Variants in ADGRG7 observed in about 807,000 individuals in gnomAD.
ADGRG7 encodes the protein G-protein coupled receptor 128.
Under a neutral mutation model 88.6 loss-of-function variants are expected in ADGRG7, and 82 were observed. That is an observed-to-expected ratio of 0.93 (90% CI 0.77 to 1.11). The LOEUF (loss-of-function observed/expected upper bound fraction) is 1.11, where lower values mean the gene tolerates loss of function less well. ADGRG7 is among the 50% of genes most tolerant of loss of function. The probability of loss-of-function intolerance (pLI) is 0.00; values close to 1 mark genes in which losing one functional copy is unlikely to be tolerated. For synonymous variants in ADGRG7, 381 were observed against 345.2 expected (o/e 1.10, Z -1.15); for missense variants, 945 against 953.4 (o/e 0.99, Z 0.12).
chr3:100,682,849 C>A (rs947198477), intron 15 of ADGRG7, among the ~76,000 whole-genome samples: 1 of 152,320 alleles, frequency 6.6e-6, no homozygotes, highest in Non-Finnish European at 1.5e-5. Flanking sequence ...GGTGCAGTTG[C>A]AGTTGCCTTG....
intron 9 of ADGRG7, 116 bp downstream of exon 9, chr3:100,646,224 G>C: frequency 3.4e-6 from 1 of 294,412 alleles, no homozygotes; most frequent in Non-Finnish European, 6.7e-6. Context: ...GGGCGGGGGG[G>C]AGGGTTTTCC....
intron 1 of ADGRG7, 145 bp downstream of exon 1, chr3:100,610,116 A>C: frequency 1.6e-6 from 1 of 615,214 alleles, no homozygotes; most frequent in Non-Finnish European, 3.0e-6. Context: ...TAAAAGACCA[A>C]GTCAGTTAAG....
In ADGRG7 at chr3:100,643,504, TCTA is replaced by T; in HGVS notation, c.839-19_839-17del. On this transcript the variant is annotated intron_variant, in intron 7 of 15. Transcript: ENST00000273352. ...TCATGATAATGTAGACTTTTACAAT[TCTA>T]CTCTTTCCCTTCTCATAGGAGCTAG... 1 of 1,608,898 alleles carries T rather than the reference TCTA, an allele frequency of 6.2e-7. No homozygotes were observed. Among genetic ancestry groups the T allele is most frequent in the Non-Finnish European group, 8.5e-7 (1 of 1,177,076 alleles).
Position 100,646,076 on chromosome 3 carries a change from A to C in ADGRG7, c.1078A>C (p.Ser360Arg). The change falls in exon 9 of 16, where the codon AGT (serine) becomes CGT (arginine). Residue 360 changes from serine to arginine, a missense_variant. By Grantham distance (110) the Ser-to-Arg change is moderately radical. Coordinates refer to ENST00000273352, the MANE Select transcript of ADGRG7 (RefSeq NM_032787.3). ...AACTGATGAAAATGAGCAAGATCAG[A>C]GTGCTTCTGTTGACATGGTCTTTAG... ...SKTDENEQDQSASVDMVFSPK... is the reference protein window; with the variant it reads ...SKTDENEQDQRASVDMVFSPK... 2 of 1,614,016 alleles carry C rather than the reference A, an allele frequency of 1.2e-6. No individual in the cohort carries two copies. The highest frequency in any genetic ancestry group is 1.7e-6 in the Non-Finnish European group (2 of 1,179,970).
At chr3:100,643,998 C>T (rs777481153) in intron 8 of ADGRG7, among the ~76,000 whole-genome samples, 2 of 152,312 alleles carry the variant, frequency 1.3e-5, no homozygotes, top group Non-Finnish European at 2.9e-5. Flanking sequence ...GCATGACACT[C>T]TCAGGCTCAG....
At chr3:100,681,522 G>A (rs561817353) in intron 15 of ADGRG7, among the ~76,000 whole-genome samples, 1 of 152,048 alleles carries the variant, frequency 6.6e-6, no homozygotes, top group East Asian at 1.9e-4. Context: ...TGTTGGCCAG[G>A]CTGGTCTTGA....
intron 6 of ADGRG7, 52 bp from the exon 7 acceptor site, chr3:100,643,214 T>G: frequency 6.5e-7 from 1 of 1,546,296 alleles, no homozygotes. Context: ...AACACATACC[T>G]TTCATTTTAT....
At position 100,630,836 on chromosome 3, in the gene ADGRG7, T is replaced by A. The variant is rs759784773; in HGVS notation, c.334+27T>A. 8 of 1,239,982 alleles carry A rather than the reference T, an allele frequency of 6.5e-6. No homozygotes were observed. The Admixed American group carries it at 2.2e-4, about 34-fold the overall frequency. 76.8% of individuals were successfully genotyped at this position (1,239,982 alleles called of 1,614,324 possible). A position where few individuals can be genotyped will look rare whatever the true frequency, so the allele number is the denominator to read the frequency against. ...TATGTGTTTTCCCAAACATTTACTC[T>A]ATGCATAAGAATTACTATGCTGAGT... On this transcript the variant is annotated intron_variant, in intron 3 of 15. Transcript: ENST00000273352.
At chr3:100,667,896 G>C (rs1307311225) in intron 14 of ADGRG7, among the ~76,000 whole-genome samples, 3 of 152,190 alleles carry the variant, frequency 2.0e-5, no homozygotes, top group Admixed American at 6.5e-5. Flanking sequence ...CCAGTTTTGT[G>C]CTTGAAACCC....
In ADGRG7 at chr3:100,659,841, A is replaced by C. The variant is rs148216825; in HGVS notation, c.1977A>C (p.Thr659=). ...TGTGGAAGAATAACCAGAACCTGAC[A>C]AGGTAAGATTCCCAATGAATGGGAA... is the stretch of plus-strand genomic sequence containing the variant. The part of the protein sequence containing the change: ...KVLWKNNQNL[T]STKKVSSMKK... The change falls in exon 14 of 16, where the codon ACA becomes ACC. Residue 659 remains threonine, a splice_region_variant and synonymous_variant. Transcript: ENST00000273352. The C allele has an allele frequency of 6.2e-7, 1 of 1,613,470 alleles. No individual in the cohort carries two copies. The highest frequency in any genetic ancestry group is 8.5e-7 in the Non-Finnish European group (1 of 1,179,694).
At chr3:100,624,567 T>C (rs1386042652) in intron 1 of ADGRG7, among the ~76,000 whole-genome samples, 2 of 152,228 alleles carry the variant, frequency 1.3e-5, no homozygotes, top group African/African-American at 2.4e-5. Context: ...ATTTTGGCTT[T>C]TGTTGCAATT....
intron 15 of ADGRG7, among the ~76,000 whole-genome samples, chr3:100,682,722 C>T (rs1489852996): frequency 6.6e-6 from 1 of 152,164 alleles, no homozygotes; most frequent in Non-Finnish European, 1.5e-5. Flanking sequence ...GGACCTGAAG[C>T]TCCCACTCCA....
chr3:100,615,061 C>A (rs1179452748), intron 1 of ADGRG7, among the ~76,000 whole-genome samples: 2 of 152,120 alleles, frequency 1.3e-5, no homozygotes, highest in Admixed American at 1.3e-4. Flanking sequence ...GCTGATGCTG[C>A]CTGTTGCAAT....
In ADGRG7 at chr3:100,643,423, T is replaced by C. The variant is rs1305041438; in HGVS notation, c.838+18T>C. On this transcript the variant is annotated intron_variant, in intron 7 of 15. Coordinates refer to ENST00000273352, the MANE Select transcript of ADGRG7 (RefSeq NM_032787.3). ...GCAGAAAGGTGAGCTGTTAATCTTA[T>C]GTGCTTGTAACAGCAAAGAGCATTC... 6.2e-6 allele frequency: 10 copies of C among 1,613,420 alleles called. No individual in the cohort carries two copies. The highest frequency in any genetic ancestry group is 8.5e-6 in the Non-Finnish European group (10 of 1,179,702).
intron 5 of ADGRG7, 56 bp downstream of exon 5, chr3:100,635,882 G>A: frequency 1.5e-6 from 2 of 1,298,926 alleles, no homozygotes; most frequent in South Asian, 1.4e-5. Flanking sequence ...AGGGGGTGTT[G>A]GGAAAGAAAG....
intron 15 of ADGRG7, among the ~76,000 whole-genome samples, chr3:100,684,676 C>T (rs867690821): frequency 7.2e-5 from 11 of 151,922 alleles, no homozygotes; most frequent in Non-Finnish European, 1.2e-4. Context: ...TTTCCCTATA[C>T]GTCTATCACT....
intron 6 of ADGRG7, among the ~76,000 whole-genome samples, chr3:100,639,697 G>A (rs751558851): frequency 2.6e-5 from 4 of 152,130 alleles, no homozygotes; most frequent in East Asian, 1.9e-4. Flanking sequence ...AGGAATGAAC[G>A]TTTTTGGTGA....
intron 15 of ADGRG7, among the ~76,000 whole-genome samples, chr3:100,682,762 C>G (rs1282786341): frequency 6.6e-6 from 1 of 152,220 alleles, no homozygotes; most frequent in African/African-American, 2.4e-5. Context: ...CAGGGCTACA[C>G]ACTCCACTGA....
chr3:100,653,837 C>A (rs1037285305), intron 11 of ADGRG7, among the ~76,000 whole-genome samples: 1 of 151,864 alleles, frequency 6.6e-6, no homozygotes, highest in Non-Finnish European at 1.5e-5. Context: ...TACACAGTGG[C>A]TCAGAACTCC....
Sources: gnomAD v4.1 joint callset for allele counts (sites outside exome capture counted in the v4.1 genomes callset) on GRCh38, gnomAD v4.1.1 for gene constraint, MANE v1.5 for transcripts, NCBI Gene and HGNC (gene_info 2026-07-23, HGNC 2026-07-21) for gene names.